Variants in LRRC3C observed in about 807,000 individuals in gnomAD.
LRRC3C encodes the protein leucine-rich repeat-containing protein 3C.
Under a neutral mutation model 14.8 loss-of-function variants are expected in LRRC3C, and 11 were observed. That is an observed-to-expected ratio of 0.74 (90% confidence interval 0.47 to 1.23). The LOEUF (loss-of-function observed/expected upper bound fraction) is 1.23. Among genes scored for constraint, LRRC3C ranks in the 50% most tolerant of loss-of-function variants. The pLI, the probability that LRRC3C is intolerant of heterozygous loss-of-function variation, is 0.00. For synonymous variants in LRRC3C, 149 were observed against 161.5 expected (o/e 0.92, Z 0.59); for missense variants, 354 against 361.8 (o/e 0.98, Z 0.18).
Position 39,942,043 on chromosome 17 carries a change from G to A in LRRC3C, c.26+494G>A, listed in dbSNP as rs1978955217. ...AGGAATGAGATGGGTCATCCACATGGATCACATCTATGACCCTTTGTCACC... is the reference window on the plus strand; with the variant it reads ...AGGAATGAGATGGGTCATCCACATGAATCACATCTATGACCCTTTGTCACC... On this transcript the variant is annotated intron_variant, in intron 3 of 3. Transcript: ENST00000377924. Among the ~76,000 whole-genome samples, 3 of 152,296 alleles carry A rather than the reference G, an allele frequency of 2.0e-5. No individual in the cohort carries two copies. In the East Asian group the frequency reaches 5.8e-4, roughly 29 times the overall value.
At chr17:39,937,511 A>G (rs955404416) in intron 2 of LRRC3C, among the ~76,000 whole-genome samples, 2 of 152,212 alleles carry the variant, frequency 1.3e-5, no homozygotes, top group East Asian at 1.9e-4. Flanking sequence ...TCAAGTCCCA[A>G]TGCATCCATG....
In LRRC3C at chr17:39,938,440, G is replaced by A. The variant is rs544213154; in HGVS notation, c.-82+2546G>A. Among the ~76,000 whole-genome samples the A allele has an allele frequency of 3.3e-5, 5 of 151,408 alleles. No individual in the cohort carries two copies. In the South Asian group the frequency reaches 8.3e-4, roughly 25 times the overall value. ...GTAGGGGCCAGGCACGGTGGCTCAC[G>A]CATGTAATCCCCAGCACTTTTTGCA... On this transcript the variant is annotated intron_variant, in intron 2 of 3. Transcript: ENST00000377924.
At chr17:39,935,769 G>A in intron 1 of LRRC3C, 33 bp from the exon 2 acceptor site, 1 of 938,694 alleles carries the variant, frequency 1.1e-6, no homozygotes, top group Non-Finnish European at 1.3e-6. Context: ...GCAGCATGAA[G>A]TGTATGTATA....
intron 1 of LRRC3C, among the ~76,000 whole-genome samples, chr17:39,933,681 C>G (rs1167903875): frequency 6.6e-6 from 1 of 151,842 alleles, no homozygotes; most frequent in African/African-American, 2.4e-5. Flanking sequence ...TGCAGTGAGC[C>G]GAGATGGCGC....
intron 1 of LRRC3C, 81 bp downstream of exon 1, chr17:39,927,895 C>T (rs1216568868): frequency 1.0e-6 from 1 of 980,878 alleles, no homozygotes; most frequent in Non-Finnish European, 1.2e-6. Flanking sequence ...TGAGGAGACT[C>T]GGACTTGTAA....
At chr17:39,942,971 G>A (rs1201442199) in intron 3 of LRRC3C, among the ~76,000 whole-genome samples, 1 of 152,228 alleles carries the variant, frequency 6.6e-6, no homozygotes, top group Non-Finnish European at 1.5e-5. Context: ...CAGCCTTGGG[G>A]AGTGAGGGAA....
In LRRC3C at chr17:39,944,932, G is replaced by C. The variant is rs1379400987; in HGVS notation, c.*198G>C. On this transcript the variant is annotated 3_prime_UTR_variant, in exon 4 of 4. Coordinates refer to ENST00000377924, the MANE Select transcript of LRRC3C (RefSeq NM_001195545.2). ...GTCGTCTTAACCAACACCATCTTTG[G>C]TGCCTGGAGTTTTTTGGTGCCTACT... Among the ~76,000 whole-genome samples the C allele has an allele frequency of 6.6e-6, 1 of 151,378 alleles. No homozygotes were observed. The highest frequency in any genetic ancestry group is 6.6e-5 in the Admixed American group (1 of 15,208).
At chr17:39,941,252 A>G (rs1978929977) in intron 2 of LRRC3C, among the ~76,000 whole-genome samples, 191 bp from the exon 3 acceptor site, 1 of 151,450 alleles carries the variant, frequency 6.6e-6, no homozygotes, top group African/African-American at 2.4e-5. Context: ...TCGGGAGACT[A>G]AGGCAGGAGA....
At position 39,944,196 on chromosome 17, in the gene LRRC3C, G is replaced by A. The variant is rs1182429943; in HGVS notation, c.290G>A (p.Gly97Asp). 3 of 1,536,094 alleles carry A rather than the reference G, an allele frequency of 2.0e-6. No individual in the cohort carries two copies. The highest frequency in any genetic ancestry group is 2.6e-6 in the Non-Finnish European group (3 of 1,146,890). ...AACCAGCTGGCATCGGTGCCTGCTG[G>A]TGCCTTCCAGCACCTGCCTGTCCTG... ...DANQLASVPA[G>D]AFQHLPVLEE... is the part of the protein sequence containing the mutation. Residue 97 changes from glycine (G) to aspartate (D), a missense_variant, in exon 4 of 4, where the codon GGT (glycine) becomes GAT (aspartate). By Grantham distance (94) the Gly-to-Asp change is moderately conservative. Coordinates refer to ENST00000377924, the MANE Select transcript of LRRC3C (RefSeq NM_001195545.2).
In LRRC3C at chr17:39,944,536, TGGG is replaced by T. The variant is rs1979033674; in HGVS notation, c.631_633del (p.Gly211del). 3.1e-6 allele frequency: 3 copies of T among 966,664 alleles called. No homozygotes were observed. The highest frequency in any genetic ancestry group is 4.3e-6 in the Non-Finnish European group (3 of 692,688). 59.9% of individuals were successfully genotyped at this position (966,664 alleles called of 1,614,324 possible). A position where few individuals can be genotyped will look rare whatever the true frequency, so the allele number is the denominator to read the frequency against. On this transcript the variant is annotated inframe_deletion, in exon 4 of 4. Coordinates refer to ENST00000377924, the MANE Select transcript of LRRC3C (RefSeq NM_001195545.2). ...TGCTGGCAGGGGAGGAAGAGCTGTG[TGGG>T]TCGGGGTGGGGTGGGGCCCGGAGGA...
chr17:39,931,096 C>G (rs188382933), intron 1 of LRRC3C, among the ~76,000 whole-genome samples: 1 of 149,476 alleles, frequency 6.7e-6, no homozygotes, highest in Non-Finnish European at 1.5e-5. Flanking sequence ...GAGCCGAGAT[C>G]GTGCCATTGC....
At chr17:39,940,417 A>C (rs893078387) in intron 2 of LRRC3C, among the ~76,000 whole-genome samples, 2 of 151,850 alleles carry the variant, frequency 1.3e-5, no homozygotes, top group Admixed American at 6.6e-5. Context: ...ATTCTTTTTT[A>C]TTTTTATTTT....
At chr17:39,930,829 G>A (rs79356258) in intron 1 of LRRC3C, among the ~76,000 whole-genome samples, 1 of 151,886 alleles carries the variant, frequency 6.6e-6, no homozygotes, top group African/African-American at 2.4e-5. Flanking sequence ...ATTGTGGTAA[G>A]GTTGTTTTTT....
rs1245337350 is a variant in LRRC3C, at chr17:39,944,172, A to G, written c.266A>G (p.Asn89Ser). 8 of 1,536,176 alleles carry G rather than the reference A, an allele frequency of 5.2e-6. No homozygotes were observed. In the East Asian group the frequency reaches 7.3e-5, roughly 14 times the overall value. The change falls in exon 4 of 4, where the codon AAC becomes AGC. Residue 89 changes from asparagine to serine, a missense_variant. Physicochemically the swap from Asn to Ser is conservative, Grantham distance 46 (BLOSUM62 1). Transcript: ENST00000377924. The stretch of plus-strand genomic sequence containing the variant: ...ACCCGCAAGCTCTACCTGGATGCCA[A>G]CCAGCTGGCATCGGTGCCTGCTGGT... ...NDTRKLYLDA[N>S]QLASVPAGAF...
intron 1 of LRRC3C, among the ~76,000 whole-genome samples, chr17:39,928,793 G>A (rs961136277): frequency 2.6e-5 from 4 of 152,190 alleles, no homozygotes; most frequent in Non-Finnish European, 5.9e-5. Context: ...CACTTTACTC[G>A]GACTACACCT....
At chr17:39,938,067 G>C (rs1978845775) in intron 2 of LRRC3C, among the ~76,000 whole-genome samples, 1 of 152,172 alleles carries the variant, frequency 6.6e-6, no homozygotes, top group Non-Finnish European at 1.5e-5. Context: ...AGGAGGCAGA[G>C]GCTACTGTGA....
At chr17:39,941,867 C>G (rs1439831885) in intron 3 of LRRC3C, among the ~76,000 whole-genome samples, 1 of 152,164 alleles carries the variant, frequency 6.6e-6, no homozygotes, top group Non-Finnish European at 1.5e-5. Flanking sequence ...GATCAACTGG[C>G]TGGTCCCTTC....
chr17:39,931,793 G>T (rs561911199), intron 1 of LRRC3C, among the ~76,000 whole-genome samples: 2 of 151,840 alleles, frequency 1.3e-5, no homozygotes, highest in East Asian at 3.9e-4. Flanking sequence ...TGGGATTACA[G>T]GTGCACGCCA....
rs568903930 is a variant in LRRC3C at position 39,932,880 on chromosome 17, C to T, written c.-174-2922C>T. Among the ~76,000 whole-genome samples the T allele has an allele frequency of 2.0e-4, 31 of 151,570 alleles. 1 individual carries two copies. Among genetic ancestry groups the T allele is most frequent in the Admixed American group, 1.6e-3 (24 of 15,236 alleles). ...CAGCCTGGCCAACATGGTGAAACCC[C>T]GTCTCTACTAAAAATGCAAAAATTA... On this transcript the variant is annotated intron_variant, in intron 1 of 3. Transcript: ENST00000377924.
Sources: allele counts gnomAD v4.1 joint callset (sites outside exome capture counted in the v4.1 genomes callset), GRCh38; gene constraint gnomAD v4.1.1; transcripts MANE v1.5; gene names NCBI Gene and HGNC (gene_info 2026-07-23, HGNC 2026-07-21).